The following EXOSC2 variants were observed in gnomAD, a reference collection of about 807,000 sequenced individuals.
The protein encoded by EXOSC2 is exosome complex component RRP4.
In EXOSC2, 29 loss-of-function variants were observed where a neutral mutation model predicts 37.6. That is an observed-to-expected ratio of 0.77 (90% confidence interval 0.57 to 1.05). EXOSC2 has a LOEUF of 1.05. EXOSC2 is among the 50% of genes least tolerant of loss of function. The pLI, the probability that EXOSC2 is intolerant of heterozygous loss-of-function variation, is 0.00. For synonymous variants in EXOSC2, 119 were observed against 131.1 expected, an observed-to-expected ratio of 0.91 and a Z score of 0.63; for missense variants, 346 against 365.6, an observed-to-expected ratio of 0.95 and a Z score of 0.44.
chr9:130,695,855 CTTTTTTT>C (rs397721632), intron 2 of EXOSC2, among the ~76,000 whole-genome samples: 8 of 111,182 alleles, frequency 7.2e-5, no homozygotes, highest in Middle Eastern at 0.01. Flanking sequence ...AGGATTTTCT[CTTTTTTT>C]TTTTTTTTTT....
rs143707199 is a variant in EXOSC2 at position 130,703,087 on chromosome 9, G to A, written c.707G>A (p.Arg236Gln). 3.6e-5 allele frequency: 58 copies of A among 1,613,712 alleles called. No homozygotes were observed. The African/African-American group carries it at 5.3e-4, about 15-fold the overall frequency. The change falls in exon 8 of 9, where the codon CGG becomes CAG. Residue 236 changes from arginine (R) to glutamine (Q), a missense_variant. Physicochemically the swap from Arg to Gln is conservative, Grantham distance 43. Transcript: ENST00000372358. ...VSLADREVIS[R>Q]LRNCIISLVT... ...CTTGCTGATCGAGAGGTGATATCCCGGCTTCGGAACTGCATCATCTCGCTG... is the reference window on the plus strand; with the variant it reads ...CTTGCTGATCGAGAGGTGATATCCCAGCTTCGGAACTGCATCATCTCGCTG...
chr9:130,695,663 T>C lies in EXOSC2; in HGVS notation c.224+70T>C, dbSNP rs1362488315. On this transcript the variant is annotated intron_variant, in intron 2 of 8. Coordinates refer to ENST00000372358, the MANE Select transcript of EXOSC2 (RefSeq NM_014285.7). Reference sequence around the variant, plus strand: ...GTACAACCAGGCTTTTCCTGCCCCCTCCTTATCCCCCACCCCACCCCTGCC... The same window carrying C: ...GTACAACCAGGCTTTTCCTGCCCCCCCCTTATCCCCCACCCCACCCCTGCC... 17 of 1,360,290 alleles carry C rather than the reference T, an allele frequency of 1.2e-5. 1 individual carries two copies. Among genetic ancestry groups the C allele is most frequent in the Non-Finnish European group, 1.4e-5 (13 of 956,464 alleles). The allele number at this position is 1,360,290 out of a possible 1,614,324, so 84.3% of individuals were successfully genotyped here.
Position 130,698,841 on chromosome 9 carries a change from G to A in EXOSC2, c.361-488G>A, listed in dbSNP as rs115451868. 2.5e-4 allele frequency among the ~76,000 whole-genome samples: 38 copies of A among 152,250 alleles called. No homozygotes were observed. The highest frequency in any genetic ancestry group is 8.4e-4 in the African/African-American group (35 of 41,548). On this transcript the variant is annotated intron_variant, in intron 4 of 8. Coordinates refer to ENST00000372358, the MANE Select transcript of EXOSC2 (RefSeq NM_014285.7). This position sits in a 1 kb window ranked among gnomAD's most constrained non-coding sequence, Gnocchi z 4.1. ...ACTGACCTAGTCCCTGGCAGTAGAA[G>A]AATAAATAAGCTGTGGTTATACAAA...
chr9:130,701,844 G>A lies in EXOSC2; in HGVS notation c.496-290G>A, dbSNP rs995830312. ...CCAGCTCACTTCCTCATTGGCTTCA[G>A]CTTCTCTAATGTCTGGCACATGAGT... On this transcript the variant is annotated intron_variant, in intron 6 of 8. Coordinates refer to ENST00000372358, the MANE Select transcript of EXOSC2 (RefSeq NM_014285.7). 1.4e-5 allele frequency: 16 copies of A among 1,149,178 alleles called. No homozygotes were observed. In the African/African-American group the frequency reaches 2.4e-4, roughly 17 times the overall value. 71.2% of individuals were successfully genotyped at this position (1,149,178 alleles called of 1,614,324 possible).
chr9:130,700,361 A>AT (rs1289741201), intron 5 of EXOSC2, among the ~76,000 whole-genome samples: 1 of 142,278 alleles, frequency 7.0e-6, no homozygotes, highest in African/African-American at 2.6e-5. Flanking sequence ...TTATTTATTT[A>AT]TTTATTTATT....
chr9:130,703,252 T>C, intron 8 of EXOSC2, 71 bp downstream of exon 8: 1 of 1,525,688 alleles, frequency 6.6e-7, no homozygotes, highest in Non-Finnish European at 8.9e-7. Context: ...AGAGACAATA[T>C]GCACATCTCC....
At chr9:130,696,833 G>A (rs1254517337) in intron 2 of EXOSC2, among the ~76,000 whole-genome samples, 1 of 152,142 alleles carries the variant, frequency 6.6e-6, no homozygotes, top group East Asian at 1.9e-4. Context: ...GAGGTTTTTG[G>A]CCTGAGCAAC....
In EXOSC2 at chr9:130,693,780, A is replaced by T. The variant is rs1458061369; in HGVS notation, c.-12A>T. ...CGACTGAGCTGCGCCTGCGCAACTC[A>T]TTGGCGCCAAGATGGCGATGGAGAT... On this transcript the variant is annotated 5_prime_UTR_variant, in exon 1 of 9. Coordinates refer to ENST00000372358, the MANE Select transcript of EXOSC2 (RefSeq NM_014285.7). 1.3e-6 allele frequency: 2 copies of T among 1,598,646 alleles called. No homozygotes were observed. The highest frequency in any genetic ancestry group is 2.3e-5 in the East Asian group (1 of 44,152).
chr9:130,695,796 C>T (rs1831081237), intron 2 of EXOSC2, among the ~76,000 whole-genome samples: 1 of 150,994 alleles, frequency 6.6e-6, no homozygotes, highest in South Asian at 2.1e-4. Flanking sequence ...CACTCCAAGC[C>T]TTGGTTACCT....
chr9:130,701,803 G>T, intron 6 of EXOSC2: 1 of 1,075,794 alleles, frequency 9.3e-7, no homozygotes, highest in Non-Finnish European at 1.1e-6. Flanking sequence ...CAGTGCTCCT[G>T]GGCCAGCAGG....
chr9:130,695,675 A>C (rs1588196034), intron 2 of EXOSC2, 82 bp downstream of exon 2: 1 of 1,160,094 alleles, frequency 8.6e-7, no homozygotes, highest in Non-Finnish European at 1.3e-6. Flanking sequence ...CTTATCCCCC[A>C]CCCCACCCCT....
intron 8 of EXOSC2, 106 bp from the exon 9 acceptor site, chr9:130,703,588 G>T (rs1041961234): frequency 1.6e-5 from 13 of 836,636 alleles, no homozygotes; most frequent in Admixed American, 2.2e-5. Flanking sequence ...AGACATGAAA[G>T]GAATACAGAA....
At chr9:130,702,431 A>C (rs1588201363) in intron 7 of EXOSC2, 121 bp downstream of exon 7, 6 of 731,616 alleles carry the variant, frequency 8.2e-6, no homozygotes, top group Non-Finnish European at 2.3e-6. Flanking sequence ...AGTCACTTTG[A>C]CTTTCCATCA....
At chr9:130,702,441 A>C in intron 7 of EXOSC2, 131 bp downstream of exon 7, 1 of 699,578 alleles carries the variant, frequency 1.4e-6, no homozygotes, top group Non-Finnish European at 2.4e-6. Context: ...ACTTTCCATC[A>C]CGGTATGTTC....
In EXOSC2 at chr9:130,694,074, C is replaced by T. The variant is rs1413622895; in HGVS notation, c.122+161C>T. ...TCGCTTCCGAGCCTCGTGCTTCTTGCTCCCTGCATCTTGTGTGTCCCCGTC... is the reference window on the plus strand; with the variant it reads ...TCGCTTCCGAGCCTCGTGCTTCTTGTTCCCTGCATCTTGTGTGTCCCCGTC... On this transcript the variant is annotated intron_variant, in intron 1 of 8. Transcript: ENST00000372358. The surrounding 1 kb of genome is among the most constrained non-coding windows in gnomAD (Gnocchi z 4.0). 6.6e-6 allele frequency among the ~76,000 whole-genome samples: 1 copy of T among 152,116 alleles called. No individual in the cohort carries two copies. Among genetic ancestry groups the T allele is most frequent in the African/African-American group, 2.4e-5 (1 of 41,420 alleles).
At chr9:130,700,833 A>G in intron 5 of EXOSC2, 34 bp from the exon 6 acceptor site, 3 of 1,609,820 alleles carry the variant, frequency 1.9e-6, no homozygotes, top group Non-Finnish European at 2.6e-6. Flanking sequence ...TGTGTGGCCA[A>G]GGCTGCTGTT....
chr9:130,697,142 C>A lies in EXOSC2; in HGVS notation c.225-440C>A, dbSNP rs1458465831. On this transcript the variant is annotated intron_variant, in intron 2 of 8. Transcript: ENST00000372358. The stretch of plus-strand genomic sequence containing the variant: ...CACTGAGTACGTCTCATTAGAATCG[C>A]GGGTAAGGAACTAGCAAAGGGGCTT... Among the ~76,000 whole-genome samples, 3 of 152,088 alleles carry A rather than the reference C, an allele frequency of 2.0e-5. 1 individual carries two copies. The highest frequency in any genetic ancestry group is 1.5e-5 in the Non-Finnish European group (1 of 68,014).
Position 130,693,920 on chromosome 9 carries a change from G to A in EXOSC2, c.122+7G>A. On this transcript the variant is annotated splice_region_variant and intron_variant, in intron 1 of 8. Transcript: ENST00000372358. ...CGGACACAGGATTCATGCGGTACGT[G>A]GGGACTTGGGGGAGTCGAGGCTTCA... is the stretch of plus-strand genomic sequence containing the variant. 6.3e-7 allele frequency: 1 copy of A among 1,588,320 alleles called. No individual in the cohort carries two copies. The highest frequency in any genetic ancestry group is 8.6e-7 in the Non-Finnish European group (1 of 1,161,296).
At chr9:130,701,891 G>T in intron 6 of EXOSC2, 1 of 1,313,948 alleles carries the variant, frequency 7.6e-7, no homozygotes, top group East Asian at 3.2e-5. Flanking sequence ...GTGCAAGGAA[G>T]ACTGCAAAGG....
Sources: gnomAD v4.1 joint callset for allele counts (sites outside exome capture counted in the v4.1 genomes callset) on GRCh38, gnomAD v4.1.1 for gene constraint, Gnocchi (gnomAD v3.1) non-coding constraint, MANE v1.5 for transcripts, NCBI Gene and HGNC (gene_info 2026-07-23, HGNC 2026-07-21) for gene names.